Variants in SLC71A2 observed in about 807,000 individuals in gnomAD.
The protein encoded by SLC71A2 is solute carrier family 71 member 2.
chr9:94,431,050 C>T, the SLC71A2 span, among the ~76,000 whole-genome samples: 86 of 152,308 alleles, frequency 5.6e-4, no homozygotes, highest in East Asian at 0.014. Flanking sequence ...CGGTGGCTCA[C>T]GCCTGTAATC....
the SLC71A2 span, among the ~76,000 whole-genome samples, chr9:94,436,063 C>T: frequency 1.4e-4 from 22 of 152,348 alleles, no homozygotes; most frequent in African/African-American, 5.3e-4. Context: ...TCTAATTCAT[C>T]TCTAGATGAC....
chr9:94,430,239 T>G, the SLC71A2 span, among the ~76,000 whole-genome samples: 2 of 151,164 alleles, frequency 1.3e-5, 1 homozygote, highest in African/African-American at 4.9e-5. Context: ...TTTTTTTTTT[T>G]TGAGATGGAG....
At chr9:94,459,572 GTTTTTT>G in the SLC71A2 span, 1 of 466,204 alleles carries the variant, frequency 2.1e-6, no homozygotes, top group African/African-American at 2.1e-5. Context: ...TCCTCCTCCT[GTTTTTT>G]TTTTTTCTCT....
At chr9:94,440,593 T>C in the SLC71A2 span, among the ~76,000 whole-genome samples, 1 of 152,150 alleles carries the variant, frequency 6.6e-6, no homozygotes, top group African/African-American at 2.4e-5. Flanking sequence ...CTAATATTTT[T>C]CATTATGACT....
the SLC71A2 span, chr9:94,456,355 C>A: frequency 8.1e-6 from 13 of 1,601,346 alleles, no homozygotes; most frequent in East Asian, 6.7e-5. Context: ...CACTGCCCCC[C>A]ACTTGTTTTT....
At chr9:94,456,807 T>C in the SLC71A2 span, among the ~76,000 whole-genome samples, 1 of 152,212 alleles carries the variant, frequency 6.6e-6, no homozygotes, top group African/African-American at 2.4e-5. Flanking sequence ...TGTTGATAGA[T>C]GTTGAGTGAG....
the SLC71A2 span, among the ~76,000 whole-genome samples, chr9:94,424,682 A>T: frequency 1.4e-5 from 2 of 147,718 alleles, no homozygotes; most frequent in Non-Finnish European, 3.0e-5. Context: ...TTATGATTGC[A>T]TTGACTATAG....
At chr9:94,428,565 C>A in the SLC71A2 span, among the ~76,000 whole-genome samples, 1 of 149,942 alleles carries the variant, frequency 6.7e-6, no homozygotes, top group Non-Finnish European at 1.5e-5. Flanking sequence ...GAGATTTCCC[C>A]TGTATCCCTT....
the SLC71A2 span, among the ~76,000 whole-genome samples, chr9:94,434,503 G>A: frequency 2.0e-5 from 3 of 152,150 alleles, no homozygotes; most frequent in Non-Finnish European, 1.5e-5. Context: ...TTTTAGTAGA[G>A]ACGGGGTTTC....
At chr9:94,456,281 T>C in the SLC71A2 span, 1 of 1,614,116 alleles carries the variant, frequency 6.2e-7, no homozygotes, top group African/African-American at 1.3e-5. Flanking sequence ...ATGTCCAGCA[T>C]CACGTTTCCG....
the SLC71A2 span, chr9:94,454,157 C>A: frequency 2.3e-6 from 2 of 880,574 alleles, no homozygotes; most frequent in Non-Finnish European, 1.9e-6. Context: ...GAGAAGGAAG[C>A]AAGGGTTATT....
chr9:94,441,330 T>C, the SLC71A2 span, among the ~76,000 whole-genome samples: 1 of 152,138 alleles, frequency 6.6e-6, no homozygotes, highest in Non-Finnish European at 1.5e-5. Flanking sequence ...TTACTCATGA[T>C]GATGGAAGGC....
chr9:94,444,885 A>G, the SLC71A2 span: 1 of 1,348,400 alleles, frequency 7.4e-7, no homozygotes, highest in East Asian at 2.3e-5. Flanking sequence ...CACCTGCAGC[A>G]GGCAGACCTG....
At chr9:94,446,013 T>A in the SLC71A2 span, among the ~76,000 whole-genome samples, 1 of 152,244 alleles carries the variant, frequency 6.6e-6, no homozygotes, top group Non-Finnish European at 1.5e-5. Context: ...GCTTCCCACC[T>A]TCCTTTGTAG....
the SLC71A2 span, among the ~76,000 whole-genome samples, chr9:94,450,898 G>A: frequency 6.6e-6 from 1 of 152,114 alleles, no homozygotes; most frequent in Admixed American, 6.5e-5. Context: ...AGGTTACTTT[G>A]GCTGCTTATT....
chr9:94,429,123 A>G, the SLC71A2 span: 1 of 1,596,100 alleles, frequency 6.3e-7, no homozygotes, highest in South Asian at 1.1e-5. Flanking sequence ...TGCCATTAAA[A>G]GAGGCAGAAA....
At chr9:94,432,308 C>G in the SLC71A2 span, among the ~76,000 whole-genome samples, 2 of 151,490 alleles carry the variant, frequency 1.3e-5, no homozygotes, top group African/African-American at 4.8e-5. Context: ...TGAGACCAGC[C>G]TGACCAACAT....
At chr9:94,396,798 T>A in the SLC71A2 span, among the ~76,000 whole-genome samples, 1 of 152,176 alleles carries the variant, frequency 6.6e-6, no homozygotes, top group African/African-American at 2.4e-5. Context: ...GAGACGGAGT[T>A]TCGCTCTTCT....
the SLC71A2 span, among the ~76,000 whole-genome samples, chr9:94,410,809 A>G: frequency 6.6e-6 from 1 of 152,200 alleles, no homozygotes; most frequent in South Asian, 2.1e-4. Context: ...TCTTTCCCCC[A>G]GGCTGGAGTG....
Sources: allele counts gnomAD v4.1 joint callset (sites outside exome capture counted in the v4.1 genomes callset), GRCh38; gene constraint gnomAD v4.1.1; transcripts MANE v1.5; gene names NCBI Gene and HGNC (gene_info 2026-07-23, HGNC 2026-07-21).